CRACD: variants seen among roughly 807,000 people sequenced by gnomAD.
CRACD encodes capping protein-inhibiting regulator of actin dynamics.
CRACD carries 56 observed loss-of-function variants against 106.8 expected under a neutral mutation model. The observed-to-expected ratio is 0.52, with a 90% CI of 0.42 to 0.66. The LOEUF (loss-of-function observed/expected upper bound fraction) is 0.66. Ranked by LOEUF, CRACD falls within the 30% of genes least tolerant of loss-of-function variation. CRACD has a pLI of 0.00. For missense variants in CRACD, 1,730 were observed against 1,623.2 expected (o/e 1.07, Z -1.13); for synonymous variants, 754 against 670.8 (o/e 1.12, Z -1.92).
At chr4:56,137,365 T>C (rs541665574) in intron 1 of CRACD, among the ~76,000 whole-genome samples, 3 of 152,298 alleles carry the variant, frequency 2.0e-5, no homozygotes, top group Admixed American at 1.3e-4. Context: ...CAAAACATTG[T>C]TATGCGGCTC....
At chr4:56,144,844 G>A (rs886317207) in intron 1 of CRACD, among the ~76,000 whole-genome samples, 1 of 152,182 alleles carries the variant, frequency 6.6e-6, no homozygotes, top group Non-Finnish European at 1.5e-5. Flanking sequence ...AGTAGAGACG[G>A]TGTTTTGCTA....
chr4:56,143,281 T>C (rs1371417485), intron 1 of CRACD, among the ~76,000 whole-genome samples: 2 of 152,114 alleles, frequency 1.3e-5, no homozygotes, highest in East Asian at 1.9e-4. Context: ...TGAAAACTTA[T>C]TCTTATTACT....
intron 2 of CRACD, among the ~76,000 whole-genome samples, chr4:56,200,670 G>T (rs1463816525): frequency 6.6e-6 from 1 of 152,050 alleles, no homozygotes; most frequent in South Asian, 2.1e-4. Context: ...AATTAACAAA[G>T]AATACACTGT....
chr4:56,149,387 A>G (rs1262981024), intron 1 of CRACD, among the ~76,000 whole-genome samples: 1 of 152,188 alleles, frequency 6.6e-6, no homozygotes, highest in Non-Finnish European at 1.5e-5. Flanking sequence ...GAAGAAAGAT[A>G]AAATTCTCAC....
At chr4:56,324,682 T>C (rs2109801736) in intron 10 of CRACD, among the ~76,000 whole-genome samples, 1 of 152,356 alleles carries the variant, frequency 6.6e-6, no homozygotes, top group East Asian at 1.9e-4. Flanking sequence ...AAGTTGGGTT[T>C]ATTAACTTAC....
intron 2 of CRACD, among the ~76,000 whole-genome samples, chr4:56,254,282 G>A (rs556519606): frequency 2.6e-5 from 4 of 152,216 alleles, no homozygotes; most frequent in Admixed American, 6.5e-5. Context: ...TCAGTGCAAC[G>A]GAGTAAGTCT....
chr4:56,325,255 A>C (rs896297636), intron 10 of CRACD, among the ~76,000 whole-genome samples: 50 of 152,336 alleles, frequency 3.3e-4, no homozygotes, highest in African/African-American at 1.1e-3. Context: ...AGATTGCTTG[A>C]GCCCAGGAAG....
intron 1 of CRACD, among the ~76,000 whole-genome samples, chr4:56,156,119 C>T (rs2109897032): frequency 6.6e-6 from 1 of 152,156 alleles, no homozygotes; most frequent in East Asian, 1.9e-4. Flanking sequence ...GGCTACCACG[C>T]CCAGCTAATT....
intron 2 of CRACD, among the ~76,000 whole-genome samples, chr4:56,208,263 T>C (rs1738227422): frequency 1.3e-5 from 2 of 152,124 alleles, no homozygotes; most frequent in African/African-American, 4.8e-5. Flanking sequence ...TTCTGAGCTG[T>C]GAGATTACAA....
At chr4:56,208,700 G>T (rs1027620831) in intron 2 of CRACD, among the ~76,000 whole-genome samples, 1 of 152,164 alleles carries the variant, frequency 6.6e-6, no homozygotes, top group Non-Finnish European at 1.5e-5. Flanking sequence ...GGAGGCTTCA[G>T]GGGCTCTCTG....
intron 2 of CRACD, among the ~76,000 whole-genome samples, chr4:56,254,543 A>C (rs529624701): frequency 6.6e-6 from 1 of 152,168 alleles, no homozygotes; most frequent in East Asian, 1.9e-4. Flanking sequence ...TTTGTACTTC[A>C]TGGATCTCAT....
chr4:56,086,597 C>T (rs997200287), intron 1 of CRACD, among the ~76,000 whole-genome samples: 3 of 152,176 alleles, frequency 2.0e-5, no homozygotes, highest in Non-Finnish European at 4.4e-5. Context: ...CCTCTTCCCT[C>T]ATCTAATCCA....
At chr4:56,199,466 G>A (rs569908907) in intron 2 of CRACD, among the ~76,000 whole-genome samples, 5 of 152,048 alleles carry the variant, frequency 3.3e-5, no homozygotes, top group Middle Eastern at 6.8e-3. Context: ...GGTGAATCAC[G>A]AGGTCAGGAA....
chr4:56,314,972 TCTC>T lies in CRACD; in HGVS notation c.1473_1475del (p.Leu492del). 6.3e-7 allele frequency: 1 copy of T among 1,588,232 alleles called. No individual in the cohort carries two copies. Among genetic ancestry groups the T allele is most frequent in the Non-Finnish European group, 8.6e-7 (1 of 1,168,798 alleles). ...AGAGAGAAGAAGGGGACACGGAGCC[TCTC>T]CTGAAACAAGAGGGGCCGGTGGAAG... On this transcript the variant is annotated inframe_deletion, in exon 8 of 11. Transcript: ENST00000682029. This position sits in a 1 kb window ranked among gnomAD's most constrained non-coding sequence, Gnocchi z 4.4.
chr4:56,133,532 C>G (rs1307717088), intron 1 of CRACD, among the ~76,000 whole-genome samples: 1 of 152,146 alleles, frequency 6.6e-6, no homozygotes, highest in Non-Finnish European at 1.5e-5. Flanking sequence ...TTACTCAGTT[C>G]AACAATATTT....
intron 1 of CRACD, among the ~76,000 whole-genome samples, chr4:56,127,531 C>T (rs912477358): frequency 1.3e-5 from 2 of 152,162 alleles, no homozygotes; most frequent in Non-Finnish European, 2.9e-5. Flanking sequence ...TCCTTCTTCT[C>T]TCTTCTTCTG....
chr4:56,313,428 G>A, intron 7 of CRACD, 49 bp downstream of exon 7: 1 of 1,539,336 alleles, frequency 6.5e-7, no homozygotes, highest in South Asian at 1.2e-5. Flanking sequence ...TTGCCTACTG[G>A]GCACTAATTC....
intron 1 of CRACD, among the ~76,000 whole-genome samples, chr4:56,060,725 G>A (rs1418180144): frequency 6.6e-6 from 1 of 152,160 alleles, no homozygotes; most frequent in Non-Finnish European, 1.5e-5. Context: ...CAAGGTGATG[G>A]TATTAGGAAG....
intron 1 of CRACD, among the ~76,000 whole-genome samples, chr4:56,053,531 A>G (rs1192767576): frequency 1.3e-5 from 2 of 152,126 alleles, no homozygotes; most frequent in Non-Finnish European, 2.9e-5. Context: ...TTTTACATTT[A>G]TATCTTCTAC....
Sources: gnomAD v4.1 joint callset for allele counts (sites outside exome capture counted in the v4.1 genomes callset) on GRCh38, gnomAD v4.1.1 for gene constraint, Gnocchi (gnomAD v3.1) non-coding constraint, MANE v1.5 for transcripts, NCBI Gene and HGNC (gene_info 2026-07-23, HGNC 2026-07-21) for gene names.